Variants in TBC1D22A observed in about 807,000 individuals in gnomAD.
TBC1D22A encodes the protein putative GTPase activator.
TBC1D22A carries 38 observed loss-of-function variants against 60.2 expected under a neutral mutation model. The observed-to-expected ratio is 0.63, with a 90% CI of 0.49 to 0.83. The LOEUF is 0.83. Among genes scored for constraint, TBC1D22A ranks in the 40% least tolerant of loss-of-function variants. The pLI, the probability that TBC1D22A is intolerant of heterozygous loss-of-function variation, is 0.00. For missense variants in TBC1D22A, 628 were observed against 701.0 expected, an observed-to-expected ratio of 0.90 and a Z score of 1.18; for synonymous variants, 302 against 281.7, an observed-to-expected ratio of 1.07 and a Z score of -0.72.
intron 8 of TBC1D22A, among the ~76,000 whole-genome samples, chr22:46,936,795 G>A (rs749812767): frequency 5.3e-5 from 8 of 152,316 alleles, no homozygotes; most frequent in Non-Finnish European, 1.2e-4. Context: ...CCTGCTCTTC[G>A]TAAGCCACAC....
At chr22:47,127,963 T>TTCCCTCCACCCCACCCATCCCCCCCATCC (rs1324718437) in intron 12 of TBC1D22A, among the ~76,000 whole-genome samples, 6 of 23,934 alleles carry the variant, frequency 2.5e-4, no homozygotes, top group African/African-American at 9.7e-4. Context: ...CCACCCGTCC[T>TTCCCTCCACCCCACCCATCCCCCCCATCC]TCCCTCCACC....
At chr22:47,143,954 C>A (rs2067200553) in intron 12 of TBC1D22A, among the ~76,000 whole-genome samples, 2 of 152,214 alleles carry the variant, frequency 1.3e-5, no homozygotes, top group Non-Finnish European at 2.9e-5. Flanking sequence ...CATCCTGTGT[C>A]CTGCTGGGCT....
chr22:46,946,184 G>A (rs572031268), intron 8 of TBC1D22A, among the ~76,000 whole-genome samples: 1 of 152,228 alleles, frequency 6.6e-6, no homozygotes, highest in Admixed American at 6.5e-5. Flanking sequence ...GCATAAGCTT[G>A]TGCACCGTAG....
chr22:47,083,297 A>G (rs2064546939), intron 11 of TBC1D22A, among the ~76,000 whole-genome samples: 1 of 152,046 alleles, frequency 6.6e-6, no homozygotes, highest in Admixed American at 6.6e-5. Context: ...TATACATCCG[A>G]AAAAAACTAT....
chr22:46,925,245 T>C (rs1479580076), intron 8 of TBC1D22A, among the ~76,000 whole-genome samples: 1 of 152,228 alleles, frequency 6.6e-6, no homozygotes, highest in Non-Finnish European at 1.5e-5. Flanking sequence ...GCTTTTGTGC[T>C]CCACAGTTAA....
chr22:46,891,565 A>G (rs1012481707), intron 6 of TBC1D22A, among the ~76,000 whole-genome samples, 171 bp downstream of exon 6: 1 of 152,224 alleles, frequency 6.6e-6, no homozygotes, highest in Non-Finnish European at 1.5e-5. Context: ...AAAACAAATA[A>G]TGGCAAATTT....
At chr22:47,091,270 G>A (rs1341571019) in intron 11 of TBC1D22A, among the ~76,000 whole-genome samples, 1 of 120,504 alleles carries the variant, frequency 8.3e-6, no homozygotes, top group Admixed American at 9.4e-5. Context: ...GGTTGTGGCT[G>A]CTTGTTGATA....
At chr22:47,011,083 G>A (rs146512764) in intron 10 of TBC1D22A, among the ~76,000 whole-genome samples, 259 of 152,228 alleles carry the variant, frequency 1.7e-3, no homozygotes, top group African/African-American at 6.0e-3. Context: ...CCCCATCCCC[G>A]TACTCAGAGT....
chr22:46,783,574 C>A (rs115481342), intron 1 of TBC1D22A, among the ~76,000 whole-genome samples: 1,978 of 138,984 alleles, frequency 0.014, 49 homozygotes, highest in African/African-American at 0.052. Flanking sequence ...GTTTCCATTC[C>A]CATGTGTGCA....
At chr22:46,838,589 C>T (rs1569111740) in intron 4 of TBC1D22A, among the ~76,000 whole-genome samples, 1 of 152,082 alleles carries the variant, frequency 6.6e-6, no homozygotes, top group Non-Finnish European at 1.5e-5. Context: ...ATTTAAAAGC[C>T]AGACAAGGAC....
chr22:46,824,286 G>T (rs575693262), intron 4 of TBC1D22A, among the ~76,000 whole-genome samples: 4 of 152,242 alleles, frequency 2.6e-5, no homozygotes, highest in East Asian at 1.9e-4. Flanking sequence ...GCTTATGAAG[G>T]TGATTTGGAT....
At chr22:46,875,043 G>A (rs548113978) in intron 4 of TBC1D22A, among the ~76,000 whole-genome samples, 1 of 152,330 alleles carries the variant, frequency 6.6e-6, no homozygotes, top group African/African-American at 2.4e-5. Context: ...TGACCCAGCA[G>A]TTCCACTCCT....
intron 8 of TBC1D22A, chr22:46,915,158 T>C: frequency 2.9e-6 from 1 of 341,718 alleles, no homozygotes; most frequent in Non-Finnish European, 5.8e-6. Flanking sequence ...CCCCAGCCAC[T>C]GTGCTCAGGT....
intron 11 of TBC1D22A, among the ~76,000 whole-genome samples, chr22:47,086,411 C>T (rs1170244259): frequency 1.3e-5 from 2 of 152,094 alleles, no homozygotes; most frequent in African/African-American, 4.8e-5. Flanking sequence ...GCTGAGATCG[C>T]GCCATTGCAC....
Position 47,145,028 on chromosome 22 carries a change from G to A in TBC1D22A, c.1426-28470G>A, listed in dbSNP as rs142493652. On this transcript the variant is annotated intron_variant, in intron 12 of 12. Coordinates refer to ENST00000337137, the MANE Select transcript of TBC1D22A (RefSeq NM_014346.5). ...CGGAACTACCTTGGTAATGGTGGCA[G>A]ACGTTAATAAGCGCGCACCACGTGC... Among the ~76,000 whole-genome samples the A allele has an allele frequency of 4.9e-4, 75 of 152,386 alleles. 4 individuals are homozygous for A. The East Asian group carries it at 8.7e-3, about 18-fold the overall frequency.
chr22:46,995,074 C>T (rs2075073781), intron 9 of TBC1D22A, among the ~76,000 whole-genome samples: 1 of 152,218 alleles, frequency 6.6e-6, no homozygotes, highest in African/African-American at 2.4e-5. Context: ...AAGTCCTGCC[C>T]ATTAAACACC....
At chr22:46,938,707 T>A (rs2071806981) in intron 8 of TBC1D22A, among the ~76,000 whole-genome samples, 1 of 152,010 alleles carries the variant, frequency 6.6e-6, no homozygotes, top group African/African-American at 2.4e-5. Flanking sequence ...TGCCTCAGCC[T>A]GCAGGGTAGC....
At chr22:47,018,568 T>C (rs1172871934) in intron 10 of TBC1D22A, among the ~76,000 whole-genome samples, 1 of 152,156 alleles carries the variant, frequency 6.6e-6, no homozygotes, top group African/African-American at 2.4e-5. Flanking sequence ...CACACATTCA[T>C]GTGAGTCAGT....
At chr22:47,122,698 A>G (rs975564229) in intron 12 of TBC1D22A, among the ~76,000 whole-genome samples, 5 of 152,228 alleles carry the variant, frequency 3.3e-5, no homozygotes, top group African/African-American at 4.8e-5. Context: ...CAGAGTAGGA[A>G]AGACAACAGC....
Sources: allele counts gnomAD v4.1 joint callset (sites outside exome capture counted in the v4.1 genomes callset), GRCh38; gene constraint gnomAD v4.1.1; transcripts MANE v1.5; gene names NCBI Gene and HGNC (gene_info 2026-07-23, HGNC 2026-07-21).